Variants in KIF4A observed in about 807,000 individuals in gnomAD.
The protein encoded by KIF4A is kinesin family member 4A, also known as chromosome-associated kinesin KIF4A.
A neutral mutation model predicts 105.9 loss-of-function variants in KIF4A; 7 were observed. That is an observed-to-expected ratio of 0.07 (90% confidence interval 0.04 to 0.12). KIF4A has a LOEUF of 0.12. Among genes scored for constraint, KIF4A ranks in the 10% least tolerant of loss-of-function variants. The pLI, the probability that KIF4A is intolerant of heterozygous loss-of-function variation, is 1.00. For synonymous variants in KIF4A, 281 were observed against 331.3 expected (o/e 0.85, Z 1.65); for missense variants, 558 against 929.2 (o/e 0.60, Z 5.19).
chrX:70,387,629 A>G (rs1416981369), intron 20 of KIF4A, among the ~76,000 whole-genome samples: 1 of 112,093 alleles, frequency 8.9e-6, no homozygotes, highest in Non-Finnish European at 1.9e-5. Context: ...GCACATTGGG[A>G]GGCCGAGGTG....
intron 25 of KIF4A, among the ~76,000 whole-genome samples, chrX:70,405,244 A>AC (rs1347981221): frequency 8.9e-6 from 1 of 111,745 alleles, no homozygotes; most frequent in Non-Finnish European, 1.9e-5. Flanking sequence ...GGCTAGGAAC[A>AC]CCACACCCTT....
chrX:70,340,448 T>A (rs2085968047), intron 10 of KIF4A, among the ~76,000 whole-genome samples: 1 of 112,288 alleles, frequency 8.9e-6, no homozygotes, highest in Admixed American at 9.4e-5. Context: ...CTGGAAATTT[T>A]TTAGGGAAAT....
chrX:70,400,990 C>T (rs753681147), intron 22 of KIF4A, among the ~76,000 whole-genome samples: 27 of 107,390 alleles, frequency 2.5e-4, no homozygotes, highest in African/African-American at 9.2e-4. Flanking sequence ...GCTGGTCTCG[C>T]TCCTGACCTC....
At chrX:70,415,353 TA>T in intron 28 of KIF4A, 1 of 275,302 alleles carries the variant, frequency 3.6e-6, no homozygotes, top group East Asian at 1.5e-4. Context: ...CTCACGCCTG[TA>T]ATCTCAGCAC....
intron 13 of KIF4A, among the ~76,000 whole-genome samples, chrX:70,348,560 C>A (rs765431727): frequency 2.7e-5 from 3 of 110,737 alleles, no homozygotes; most frequent in Non-Finnish European, 5.7e-5. Flanking sequence ...TGACTCTTAA[C>A]GAGCATGCTG....
intron 18 of KIF4A, among the ~76,000 whole-genome samples, chrX:70,379,951 T>G (rs2086190872): frequency 9.0e-6 from 1 of 111,178 alleles, no homozygotes; most frequent in African/African-American, 3.3e-5. Context: ...CAATATATCT[T>G]AATATAGGCA....
At chrX:70,331,645 A>AC (rs1304688205) in intron 9 of KIF4A, among the ~76,000 whole-genome samples, 5 of 110,930 alleles carry the variant, frequency 4.5e-5, no homozygotes, top group Non-Finnish European at 9.5e-5. Context: ...TTTGTAAAAA[A>AC]AAAACCACAG....
chrX:70,311,233 TCTC>T (rs1015867034), intron 7 of KIF4A, among the ~76,000 whole-genome samples: 2 of 111,927 alleles, frequency 1.8e-5, no homozygotes, highest in Non-Finnish European at 3.8e-5. Flanking sequence ...ATAGTTTTAA[TCTC>T]CTCTTTATCT....
At chrX:70,373,845 CAT>C (rs1491343568) in intron 15 of KIF4A, among the ~76,000 whole-genome samples, 12 of 93,233 alleles carry the variant, frequency 1.3e-4, no homozygotes, top group Admixed American at 5.1e-4. Flanking sequence ...CACACACACA[CAT>C]ACACACACAC....
chrX:70,341,098 G>A (rs1569236775), intron 10 of KIF4A, among the ~76,000 whole-genome samples: 1 of 111,181 alleles, frequency 9.0e-6, no homozygotes, highest in Non-Finnish European at 1.9e-5. Context: ...TATTTGAAAT[G>A]GACACCATTG....
chrX:70,414,570 T>C (rs1225847845), intron 28 of KIF4A, among the ~76,000 whole-genome samples: 1 of 112,155 alleles, frequency 8.9e-6, no homozygotes, highest in Non-Finnish European at 1.9e-5. Flanking sequence ...GTGGTGAGGA[T>C]ACATGAGAAC....
rs1237016482 is a variant in KIF4A, at chrX:70,352,596, G to A, written c.1432-4G>A. 1 of 1,196,738 alleles carries A rather than the reference G, an allele frequency of 8.4e-7. No individual in the cohort carries two copies. The highest frequency in any genetic ancestry group is 2.2e-5 in the Admixed American group (1 of 45,854). ...TCCCTAAACCAAAACATTTGTTACT[G>A]CAGGATGAAACTGTTGCTTGCATGG... On this transcript the variant is annotated splice_region_variant and splice_polypyrimidine_tract_variant and intron_variant, in intron 13 of 30. Coordinates refer to ENST00000374403, the MANE Select transcript of KIF4A (RefSeq NM_012310.5).
At chrX:70,354,767 G>A (rs1458487670) in intron 15 of KIF4A, among the ~76,000 whole-genome samples, 1 of 111,711 alleles carries the variant, frequency 9.0e-6, no homozygotes, top group Non-Finnish European at 1.9e-5. Context: ...CTTTTCCAGG[G>A]GATCCCCCAG....
intron 15 of KIF4A, among the ~76,000 whole-genome samples, chrX:70,361,043 G>A (rs772998642): frequency 1.8e-5 from 2 of 112,596 alleles, no homozygotes; most frequent in Non-Finnish European, 3.8e-5. Flanking sequence ...TCAGCCAATG[G>A]GCAGCCACAG....
chrX:70,385,438 A>G (rs1037200336), intron 18 of KIF4A, among the ~76,000 whole-genome samples: 1 of 112,091 alleles, frequency 8.9e-6, no homozygotes, highest in Non-Finnish European at 1.9e-5. Flanking sequence ...GTGTTTCTTT[A>G]ATTATCTTGA....
At chrX:70,344,597 C>CT (rs74513137) in intron 13 of KIF4A, among the ~76,000 whole-genome samples, 1,140 of 110,606 alleles carry the variant, frequency 0.01, 9 homozygotes, top group African/African-American at 0.036. Context: ...GGCATATATG[C>CT]TTTTAAAAAA....
At chrX:70,373,512 ATGTGTGTG>A (rs200976753) in intron 15 of KIF4A, among the ~76,000 whole-genome samples, 2 of 11,126 alleles carry the variant, frequency 1.8e-4, no homozygotes, top group South Asian at 0.026. Flanking sequence ...ATATATATAC[ATGTGTGTG>A]TATGTATATA....
intron 15 of KIF4A, among the ~76,000 whole-genome samples, chrX:70,371,099 T>G (rs895398052): frequency 9.0e-6 from 1 of 110,896 alleles, no homozygotes; most frequent in Non-Finnish European, 1.9e-5. Flanking sequence ...AGTCTAATAC[T>G]GGTCTAGGGC....
rs2086362624 is a variant in KIF4A at position 70,420,449 on chromosome X, A to G, written c.*184A>G. The G allele has an allele frequency of 1.7e-6, 1 of 588,217 alleles. No homozygotes were observed. Among genetic ancestry groups the G allele is most frequent in the South Asian group, 3.8e-5 (1 of 26,569 alleles). 48.5% of individuals were successfully genotyped at this position (588,217 alleles called of 1,213,427 possible). ...GGGCCTTAGCCTCCAGGTCCAGACTACTACTCTATGTTCTCCAGAAGGGTG... is the reference window on the plus strand; with the variant it reads ...GGGCCTTAGCCTCCAGGTCCAGACTGCTACTCTATGTTCTCCAGAAGGGTG... On this transcript the variant is annotated 3_prime_UTR_variant, in exon 31 of 31. Transcript: ENST00000374403.
Sources: allele counts gnomAD v4.1 joint callset (sites outside exome capture counted in the v4.1 genomes callset), GRCh38; gene constraint gnomAD v4.1.1; transcripts MANE v1.5; gene names NCBI Gene and HGNC (gene_info 2026-07-23, HGNC 2026-07-21).